Variants in RNF17 observed in about 807,000 individuals in gnomAD.
RNF17 encodes ring finger protein 17.
RNF17 carries 31 observed loss-of-function variants against 200.5 expected under a neutral mutation model. That is an observed-to-expected ratio of 0.15 (90% CI 0.12 to 0.21). RNF17 has a LOEUF of 0.21. RNF17 is among the 10% of genes least tolerant of loss of function. The pLI, the probability that RNF17 is intolerant of heterozygous loss-of-function variation, is 1.00. For missense variants in RNF17, 1,628 were observed against 1,905.1 expected (o/e 0.85, Z 2.71); for synonymous variants, 606 against 637.8 (o/e 0.95, Z 0.75).
At chr13:24,838,229 G>A (rs1032649620) in intron 18 of RNF17, among the ~76,000 whole-genome samples, 2 of 151,952 alleles carry the variant, frequency 1.3e-5, no homozygotes, top group Admixed American at 6.6e-5. Context: ...AGGACCAGAC[G>A]GATTCACAGC....
chr13:24,850,420 A>G lies in RNF17; in HGVS notation c.3181A>G (p.Ile1061Val), dbSNP rs1165681837. 2 of 1,611,832 alleles carry G rather than the reference A, an allele frequency of 1.2e-6. No individual in the cohort carries two copies. The highest frequency in any genetic ancestry group is 1.3e-5 in the African/African-American group (1 of 74,902). ...SLYLTGAVAT[I>V]ILQVDSEENN... ...GTACCTGACTGGAGCTGTAGCAACT[A>G]TAATCTTACAGGTGGATAGTGAGGT... The change falls in exon 23 of 36, where the codon ATA becomes GTA. Residue 1061 changes from isoleucine to valine, a missense_variant. By Grantham distance (29) the Ile-to-Val change is conservative. This residue lies in a region of RNF17 where 609 missense variants were observed against 681.9 expected (regional missense o/e 0.89). Coordinates refer to ENST00000255324, the MANE Select transcript of RNF17 (RefSeq NM_031277.3).
rs1263212012 is a variant in RNF17 at position 24,866,057 on chromosome 13, C to G, written c.4102-87C>G. ...ATAAATGAATACCAACAAGGAAATG[C>G]ACCCAGTTTTTGTGGGGATGAAATA... On this transcript the variant is annotated intron_variant, in intron 29 of 35. Transcript: ENST00000255324. The G allele has an allele frequency of 1.1e-5, 8 of 726,526 alleles. No individual in the cohort carries two copies. The East Asian group carries it at 1.9e-4, about 17-fold the overall frequency. The allele number at this position is 726,526 out of a possible 1,614,324, so 45.0% of individuals were successfully genotyped here.
chr13:24,872,871 T>C (rs1360941989), intron 32 of RNF17, among the ~76,000 whole-genome samples: 1 of 151,890 alleles, frequency 6.6e-6, no homozygotes, highest in East Asian at 1.9e-4. Flanking sequence ...AAACTTTAGA[T>C]GAAGGGGGAC....
intron 31 of RNF17, among the ~76,000 whole-genome samples, chr13:24,870,307 C>G (rs946642847): frequency 6.6e-6 from 1 of 151,798 alleles, no homozygotes; most frequent in Non-Finnish European, 1.5e-5. Flanking sequence ...TGGTCTTGAA[C>G]TCATGAACTC....
chr13:24,775,871 A>G (rs775372985), intron 3 of RNF17, among the ~76,000 whole-genome samples: 2 of 152,142 alleles, frequency 1.3e-5, no homozygotes, highest in Non-Finnish European at 1.5e-5. Flanking sequence ...TCCCCTTTAT[A>G]TCTCTGGTTT....
intron 15 of RNF17, among the ~76,000 whole-genome samples, chr13:24,825,286 A>G (rs1176943194): frequency 2.0e-5 from 3 of 151,576 alleles, no homozygotes; most frequent in African/African-American, 7.3e-5. Context: ...CAAGTGAGAA[A>G]TGATAGAAAA....
chr13:24,804,522 C>G, intron 15 of RNF17, 93 bp downstream of exon 15: 2 of 957,882 alleles, frequency 2.1e-6, no homozygotes, highest in Non-Finnish European at 3.1e-6. Flanking sequence ...CAATTTTAGT[C>G]AGAGCAAACG....
At position 24,843,293 on chromosome 13, in the gene RNF17, C is replaced by G. The variant is rs190119059; in HGVS notation, c.2604-451C>G. ...CAGCACTTTGGGAGGCTCAGGCAGG[C>G]GGATCATGAGGTCAGGAGTTTGAGA... On this transcript the variant is annotated intron_variant, in intron 19 of 35. Transcript: ENST00000255324. Among the ~76,000 whole-genome samples the G allele has an allele frequency of 6.8e-4, 103 of 152,162 alleles. 2 individuals carry two copies. The East Asian group carries it at 0.013, about 19-fold the overall frequency.
At chr13:24,827,966 C>G (rs1888931546) in intron 16 of RNF17, among the ~76,000 whole-genome samples, 1 of 152,052 alleles carries the variant, frequency 6.6e-6, no homozygotes, top group Non-Finnish European at 1.5e-5. Flanking sequence ...CCTCATGACT[C>G]AATCACCTCC....
chr13:24,881,701 T>C (rs1953824609), downstream of RNF17, among the ~76,000 whole-genome samples: 1 of 149,498 alleles, frequency 6.7e-6, no homozygotes, highest in Non-Finnish European at 1.5e-5. Context: ...TCTATATAGA[T>C]TATCTAGGTA....
At chr13:24,834,419 T>TAACAAC (rs140606076) in intron 18 of RNF17, among the ~76,000 whole-genome samples, 3,956 of 150,456 alleles carry the variant, frequency 0.026, 170 homozygotes, top group African/African-American at 0.084. Flanking sequence ...CATCTCAAAT[T>TAACAAC]AACAACAACA....
intron 16 of RNF17, among the ~76,000 whole-genome samples, chr13:24,830,235 A>G (rs1215966948): frequency 2.0e-5 from 3 of 152,176 alleles, no homozygotes; most frequent in African/African-American, 7.2e-5. Context: ...CACCTGCCAT[A>G]TAATTTTGTT....
the RNF17 span, among the ~76,000 whole-genome samples, chr13:24,749,303 C>CTT: frequency 9.4e-3 from 299 of 31,902 alleles, 4 homozygotes; most frequent in East Asian, 0.17. Context: ...TTCTTTCTTT[C>CTT]TTTCTTTTTT....
At chr13:24,789,294 C>G in intron 7 of RNF17, 54 bp from the exon 8 acceptor site, 1 of 1,159,550 alleles carries the variant, frequency 8.6e-7, no homozygotes, top group Non-Finnish European at 1.3e-6. Flanking sequence ...TCTTACTGTT[C>G]AGCAATATTT....
intron 11 of RNF17, 76 bp downstream of exon 11, chr13:24,796,371 C>A: frequency 1.1e-6 from 1 of 946,308 alleles, no homozygotes; most frequent in Non-Finnish European, 1.5e-6. Flanking sequence ...CCACATAAGA[C>A]TTGTTATAAT....
At chr13:24,842,235 G>T in intron 19 of RNF17, 74 bp downstream of exon 19, 1 of 1,319,144 alleles carries the variant, frequency 7.6e-7, no homozygotes, top group African/African-American at 1.5e-5. Context: ...AGGGAAACTG[G>T]CATATCATTC....
intron 32 of RNF17, 32 bp downstream of exon 32, chr13:24,870,771 A>C: frequency 6.3e-7 from 1 of 1,579,602 alleles, no homozygotes. Flanking sequence ...GAAACAGGAT[A>C]CTTAATAAAA....
At chr13:24,817,298 T>G (rs1378654771) in intron 15 of RNF17, among the ~76,000 whole-genome samples, 1 of 152,214 alleles carries the variant, frequency 6.6e-6, no homozygotes, top group Non-Finnish European at 1.5e-5. Flanking sequence ...TTACTAGTTA[T>G]AAGTCTACTC....
intron 2 of RNF17, among the ~76,000 whole-genome samples, chr13:24,769,226 A>T (rs1304331536): frequency 6.6e-6 from 1 of 152,046 alleles, no homozygotes; most frequent in East Asian, 1.9e-4. Flanking sequence ...TTCACATTTA[A>T]TGTTCTTAAA....
Sources: gnomAD v4.1 joint callset for allele counts (sites outside exome capture counted in the v4.1 genomes callset) on GRCh38, gnomAD v4.1.1 for gene constraint, gnomAD v4.1.1 regional missense constraint, MANE v1.5 for transcripts, NCBI Gene and HGNC (gene_info 2026-07-23, HGNC 2026-07-21) for gene names.